Variants in FKTN observed in about 807,000 individuals in gnomAD.
FKTN encodes the protein fukutin, also known as ribitol-5-phosphate transferase FKTN.
A neutral mutation model predicts 58.6 loss-of-function variants in FKTN; 47 were observed. That is an observed-to-expected ratio of 0.80 (90% CI 0.63 to 1.02). The LOEUF (loss-of-function observed/expected upper bound fraction) is 1.02, where lower values mean the gene tolerates loss of function less well. FKTN is among the 50% of genes least tolerant of loss of function. The probability of loss-of-function intolerance (pLI) is 0.00; values close to 1 mark genes in which losing one functional copy is unlikely to be tolerated. For missense variants in FKTN, 516 were observed against 537.3 expected (o/e 0.96, Z 0.39); for synonymous variants, 178 against 191.9 (o/e 0.93, Z 0.60).
At chr9:105,604,550 G>T in intron 6 of FKTN, 58 bp downstream of exon 6, 1 of 1,392,816 alleles carries the variant, frequency 7.2e-7, no homozygotes, top group Non-Finnish European at 1.0e-6. Flanking sequence ...CATAATTCTT[G>T]CAGTGTTTTT....
chr9:105,560,475 C>G (rs770034810), intron 1 of FKTN, among the ~76,000 whole-genome samples: 1 of 152,132 alleles, frequency 6.6e-6, no homozygotes, highest in Non-Finnish European at 1.5e-5. Flanking sequence ...TCTGTTTCTC[C>G]TAGGATAAAA....
In FKTN at chr9:105,635,809, T is replaced by TTCAA. The variant is rs991991892; in HGVS notation, c.*545_*546insTCAA. On this transcript the variant is annotated 3_prime_UTR_variant, in exon 11 of 11. Transcript: ENST00000357998. ...GATATCAGGTTCATTTTTCAACTAATCTTATGTGGAATTGAATTAGAGAAC... is the reference window on the plus strand; with the variant it reads ...GATATCAGGTTCATTTTTCAACTAATTCAACTTATGTGGAATTGAATTAGAGAAC... The TTCAA allele has an allele frequency of 2.3e-4, 228 of 1,001,072 alleles. No individual in the cohort carries two copies. In the African/African-American group the frequency reaches 3.7e-3, roughly 16 times the overall value. The allele number at this position is 1,001,072 out of a possible 1,614,324, so 62.0% of individuals were successfully genotyped here. A position where few individuals can be genotyped will look rare whatever the true frequency, so the allele number is the denominator to read the frequency against.
chr9:105,606,971 T>C (rs1588129861), intron 6 of FKTN, among the ~76,000 whole-genome samples: 1 of 152,086 alleles, frequency 6.6e-6, no homozygotes, highest in East Asian at 1.9e-4. Flanking sequence ...ACCACTTTTT[T>C]GCCTGTTTTT....
At chr9:105,576,016 C>T (rs1389758851) in intron 3 of FKTN, among the ~76,000 whole-genome samples, 5 of 152,026 alleles carry the variant, frequency 3.3e-5, no homozygotes, top group Non-Finnish European at 7.4e-5. Flanking sequence ...AGCTGCCCAG[C>T]TGACTCACAG....
In FKTN at chr9:105,601,268, T is replaced by C; in HGVS notation, c.289T>C (p.Ser97Pro). 5.6e-6 allele frequency: 9 copies of C among 1,612,762 alleles called. No individual in the cohort carries two copies. The highest frequency in any genetic ancestry group is 7.6e-6 in the Non-Finnish European group (9 of 1,179,290). ...ACAAGTCAAAAATACTTCTCATGGC[T>C]CTACTTCACAATGCAAGTTTTTCTG... ...FEQVKNTSHGSTSQCKFFCVP... is the reference protein window; with the variant it reads ...FEQVKNTSHGPTSQCKFFCVP... The change falls in exon 5 of 11, where the codon TCT becomes CCT. Residue 97 changes from serine (S) to proline (P), a missense_variant. By Grantham distance (74) the Ser-to-Pro change is moderately conservative. Coordinates refer to ENST00000357998, the MANE Select transcript of FKTN (RefSeq NM_001079802.2).
intron 10 of FKTN, among the ~76,000 whole-genome samples, chr9:105,631,464 A>G (rs529442232): frequency 5.9e-5 from 9 of 152,284 alleles, no homozygotes; most frequent in African/African-American, 1.7e-4. Context: ...TAAAAAAGCC[A>G]GGTTCGGGAA....
At chr9:105,627,707 G>C (rs945918368) in intron 10 of FKTN, among the ~76,000 whole-genome samples, 1 of 152,032 alleles carries the variant, frequency 6.6e-6, no homozygotes, top group Non-Finnish European at 1.5e-5. Flanking sequence ...TTGGTACCTT[G>C]ATCTGGAAAT....
intron 1 of FKTN, among the ~76,000 whole-genome samples, chr9:105,565,466 A>T (rs1292873211): frequency 6.6e-6 from 1 of 152,206 alleles, no homozygotes; most frequent in Non-Finnish European, 1.5e-5. Context: ...CTACCAAGCA[A>T]ATGGAAAACA....
At chr9:105,565,183 T>C (rs1028952159) in intron 1 of FKTN, among the ~76,000 whole-genome samples, 1 of 152,094 alleles carries the variant, frequency 6.6e-6, no homozygotes, top group Non-Finnish European at 1.5e-5. Flanking sequence ...GATACCAGCC[T>C]CTGCAAAAAC....
intron 4 of FKTN, among the ~76,000 whole-genome samples, chr9:105,599,883 T>C (rs183789508): frequency 8.1e-4 from 123 of 152,272 alleles, no homozygotes; most frequent in Middle Eastern, 6.8e-3. Flanking sequence ...GTAGAATTGG[T>C]ATTCTTCCTT....
chr9:105,562,282 T>G (rs1412482415), intron 1 of FKTN, among the ~76,000 whole-genome samples: 2 of 152,162 alleles, frequency 1.3e-5, no homozygotes, highest in Admixed American at 6.5e-5. Flanking sequence ...CAAGGATAGT[T>G]TTTAGTTTGG....
chr9:105,558,291 TGAG>T (rs1226232061), intron 1 of FKTN, 126 bp downstream of exon 1: 1 of 152,328 alleles, frequency 6.6e-6, no homozygotes, highest in Non-Finnish European at 1.5e-5. Context: ...TACCCCTTGG[TGAG>T]GAGGCCGGCC....
chr9:105,607,381 G>C (rs901198625), intron 6 of FKTN, among the ~76,000 whole-genome samples: 3 of 151,938 alleles, frequency 2.0e-5, no homozygotes, highest in Non-Finnish European at 4.4e-5. Context: ...TGCCAAGTGT[G>C]TATGAACAAG....
At chr9:105,603,163 C>T (rs1206294177) in intron 5 of FKTN, among the ~76,000 whole-genome samples, 1 of 152,140 alleles carries the variant, frequency 6.6e-6, no homozygotes, top group African/African-American at 2.4e-5. Context: ...AGTCTTTCCT[C>T]CTATAACCCA....
intron 10 of FKTN, among the ~76,000 whole-genome samples, chr9:105,620,932 G>A (rs567152714): frequency 6.6e-6 from 1 of 152,122 alleles, no homozygotes. Context: ...TTCTGTAAGA[G>A]TGTCACCTTT....
At chr9:105,596,396 A>C (rs974938415) in intron 3 of FKTN, among the ~76,000 whole-genome samples, 1 of 152,194 alleles carries the variant, frequency 6.6e-6, no homozygotes, top group African/African-American at 2.4e-5. Flanking sequence ...ACTTACTACA[A>C]ATCTATCGAT....
intron 1 of FKTN, among the ~76,000 whole-genome samples, chr9:105,566,667 A>C (rs1839681600): frequency 6.6e-6 from 1 of 152,132 alleles, no homozygotes; most frequent in African/African-American, 2.4e-5. Flanking sequence ...CTTACCAACC[A>C]AAAAAAGTCC....
intron 3 of FKTN, among the ~76,000 whole-genome samples, chr9:105,587,597 A>T (rs189472860): frequency 1.3e-5 from 2 of 152,278 alleles, no homozygotes; most frequent in East Asian, 3.9e-4. Context: ...GCTTGATCCA[A>T]TGTGGTAAAC....
chr9:105,626,792 G>A lies in FKTN; in HGVS notation c.1172+6731G>A, dbSNP rs1173742700. Among the ~76,000 whole-genome samples the A allele has an allele frequency of 3.3e-5, 5 of 152,234 alleles. No homozygotes were observed. In the East Asian group the frequency reaches 9.6e-4, roughly 29 times the overall value. ...TTGTAACCATTTTGGTAGGTGTGTA[G>A]TGTTACCAAATTGTAGTTTAGATTT... On this transcript the variant is annotated intron_variant, in intron 10 of 10. Coordinates refer to ENST00000357998, the MANE Select transcript of FKTN (RefSeq NM_001079802.2).
Sources: allele counts gnomAD v4.1 joint callset (sites outside exome capture counted in the v4.1 genomes callset), GRCh38; gene constraint gnomAD v4.1.1; transcripts MANE v1.5; gene names NCBI Gene and HGNC (gene_info 2026-07-23, HGNC 2026-07-21).